Variants in NMRAL1 observed in about 807,000 individuals in gnomAD.
NMRAL1 encodes the protein NmrA like redox sensor 1.
Under a neutral mutation model 27.5 loss-of-function variants are expected in NMRAL1, and 32 were observed. The observed-to-expected ratio is 1.16, with a 90% CI of 0.88 to 1.56. The LOEUF (loss-of-function observed/expected upper bound fraction) is 1.56, where lower values mean the gene tolerates loss of function less well. NMRAL1 is among the 40% of genes most tolerant of loss of function. NMRAL1 has a pLI of 0.00. For synonymous variants in NMRAL1, 166 were observed against 166.8 expected (o/e 1.00, Z 0.04); for missense variants, 420 against 392.0 (o/e 1.07, Z -0.60).
At chr16:4,463,422 T>G (rs1318475998) in intron 5 of NMRAL1, 2 of 533,958 alleles carry the variant, frequency 3.7e-6, no homozygotes, top group Non-Finnish European at 6.5e-6. Context: ...CTCCTTGCCT[T>G]GGCTCCTATG....
chr16:4,470,323 A>T (rs2057512312), intron 2 of NMRAL1, among the ~76,000 whole-genome samples: 1 of 151,036 alleles, frequency 6.6e-6, no homozygotes, highest in African/African-American at 2.4e-5. Context: ...ATACAAAATT[A>T]GCTAGGCGTG....
intron 2 of NMRAL1, among the ~76,000 whole-genome samples, chr16:4,473,540 T>C (rs1318047693): frequency 1.3e-5 from 2 of 152,102 alleles, no homozygotes; most frequent in Non-Finnish European, 2.9e-5. Flanking sequence ...CAGCAATAGA[T>C]GAGGTGGAAG....
rs1596390088 is a variant in NMRAL1, at chr16:4,466,547, C to T, written c.280-145G>A. ...CTTACCCTTGAGGAGGCCCCCTCTC[C>T]TGGAATGATGTTCACACATGACACC... On this transcript the variant is annotated intron_variant, in intron 3 of 5. Transcript: ENST00000283429. The T allele has an allele frequency of 1.8e-5, 13 of 723,870 alleles. No homozygotes were observed. The East Asian group carries it at 3.5e-4, about 19-fold the overall frequency. 44.8% of individuals were successfully genotyped at this position (723,870 alleles called of 1,614,324 possible). A position where few individuals can be genotyped will look rare whatever the true frequency, so the allele number is the denominator to read the frequency against.
At chr16:4,465,998 C>A (rs2057307181) in intron 4 of NMRAL1, among the ~76,000 whole-genome samples, 155 bp downstream of exon 4, 1 of 152,166 alleles carries the variant, frequency 6.6e-6, no homozygotes, top group South Asian at 2.1e-4. Flanking sequence ...GAAGCTGAGG[C>A]CCCGCAAGCT....
chr16:4,473,359 T>C (rs1793252992), intron 2 of NMRAL1, among the ~76,000 whole-genome samples: 1 of 152,142 alleles, frequency 6.6e-6, no homozygotes, highest in Non-Finnish European at 1.5e-5. Flanking sequence ...ACCAGTGAGT[T>C]GCACACTTTA....
intron 5 of NMRAL1, 102 bp from the exon 6 acceptor site, chr16:4,462,061 C>A: frequency 1.1e-6 from 1 of 922,702 alleles, no homozygotes; most frequent in Non-Finnish European, 1.7e-6. Flanking sequence ...CTGCTACACC[C>A]AGAGCCACTA....
chr16:4,476,003 G>A (rs764640898), upstream of NMRAL1: 1 of 152,250 alleles, frequency 6.6e-6, no homozygotes, highest in East Asian at 1.9e-4. Flanking sequence ...GCAACAGGGA[G>A]ATCAGATACA....
At chr16:4,470,331 G>A (rs890261110) in intron 2 of NMRAL1, among the ~76,000 whole-genome samples, 7 of 151,690 alleles carry the variant, frequency 4.6e-5, no homozygotes, top group East Asian at 1.9e-4. Context: ...TTAGCTAGGC[G>A]TGGTGGCACA....
At chr16:4,470,674 G>A (rs900449414) in intron 2 of NMRAL1, among the ~76,000 whole-genome samples, 5 of 151,996 alleles carry the variant, frequency 3.3e-5, no homozygotes, top group Non-Finnish European at 5.9e-5. Flanking sequence ...GAGGCCGGGT[G>A]CAGTAGCTCA....
chr16:4,466,522 C>G, intron 3 of NMRAL1, 120 bp from the exon 4 acceptor site: 1 of 961,606 alleles, frequency 1.0e-6, no homozygotes, highest in Non-Finnish European at 1.6e-6. Flanking sequence ...CTAGACCCCA[C>G]TTACCCTTGA....
chr16:4,472,612 C>G (rs1407881507), intron 2 of NMRAL1, among the ~76,000 whole-genome samples: 1 of 151,748 alleles, frequency 6.6e-6, no homozygotes, highest in Non-Finnish European at 1.5e-5. Context: ...GGCATGGTGG[C>G]TCACGCCTGT....
intron 1 of NMRAL1, 153 bp downstream of exon 1, chr16:4,474,400 CG>C: frequency 6.4e-6 from 3 of 469,650 alleles, no homozygotes; most frequent in South Asian, 5.2e-5. Flanking sequence ...CCCCCCGGCC[CG>C]GGTCCCACCG....
At position 4,474,120 on chromosome 16, in the gene NMRAL1, T is replaced by A. The variant is rs1442607120; in HGVS notation, c.13A>T (p.Lys5Ter). 1.2e-6 allele frequency: 2 copies of A among 1,612,300 alleles called. No individual in the cohort carries two copies. The highest frequency in any genetic ancestry group is 1.3e-5 in the African/African-American group (1 of 75,000). MVDK[K>*]LVVVFGGTGA... is the part of the protein sequence containing the mutation. ...GTGCCTCCGAAAACCACCACCAGTT[T>A]CTTGTCCACCATGAGGACGAGAATG... The change falls in exon 2 of 6, where the codon AAA becomes TAA. Residue 5 changes from lysine (K) to a stop codon, truncating the protein, a stop_gained. Coordinates refer to ENST00000283429, the MANE Select transcript of NMRAL1 (RefSeq NM_020677.6). LOFTEE classifies it high-confidence loss of function.
upstream of NMRAL1, chr16:4,474,921 A>G (rs1247608830): frequency 1.3e-5 from 2 of 151,852 alleles, no homozygotes; most frequent in African/African-American, 4.8e-5. Flanking sequence ...TCCGCTTGAT[A>G]TTTTCTTTGC....
At chr16:4,474,372 C>T (rs987592359) in intron 1 of NMRAL1, 182 bp downstream of exon 1, 3 of 500,870 alleles carry the variant, frequency 6.0e-6, no homozygotes, top group African/African-American at 2.0e-5. Context: ...TCCCGCCTCC[C>T]CCGGTTCCAG....
intron 2 of NMRAL1, 118 bp downstream of exon 2, chr16:4,473,975 C>A (rs913046538): frequency 1.2e-5 from 9 of 730,438 alleles, no homozygotes; most frequent in African/African-American, 3.6e-5. Flanking sequence ...GCGACCACAG[C>A]CCCAACCTGG....
chr16:4,464,118 GGCTAAGAACCTGGGCCTGCCCA>G (rs1169967967), intron 4 of NMRAL1: 3 of 519,544 alleles, frequency 5.8e-6, no homozygotes, highest in Non-Finnish European at 6.7e-6. Flanking sequence ...CCTAGAATGG[GGCTAAGAACCTGGGCCTGCCCA>G]GCTCTCTCAG....
At chr16:4,466,578 C>T (rs896330481) in intron 3 of NMRAL1, 176 bp from the exon 4 acceptor site, 16 of 624,556 alleles carry the variant, frequency 2.6e-5, no homozygotes, top group African/African-American at 9.2e-5. Flanking sequence ...ACACCACGCC[C>T]GTAAACACAG....
intron 2 of NMRAL1, among the ~76,000 whole-genome samples, chr16:4,470,546 T>C (rs916852462): frequency 6.6e-6 from 1 of 151,910 alleles, no homozygotes; most frequent in South Asian, 2.1e-4. Context: ...TCAGGCTGGG[T>C]GCAGTGGCTG....
Sources: gnomAD v4.1 joint callset for allele counts (sites outside exome capture counted in the v4.1 genomes callset) on GRCh38, gnomAD v4.1.1 for gene constraint, MANE v1.5 for transcripts, NCBI Gene and HGNC (gene_info 2026-07-23, HGNC 2026-07-21) for gene names.